The following SPAG16 variants were observed in gnomAD, a reference collection of about 807,000 sequenced individuals.
SPAG16 encodes the protein sperm-associated antigen 16 protein.
Under a neutral mutation model 80.4 loss-of-function variants are expected in SPAG16, and 86 were observed. That is an observed-to-expected ratio of 1.07 (90% CI 0.90 to 1.28). The LOEUF is 1.28. SPAG16 is among the 50% of genes most tolerant of loss of function. The pLI is 0.00. For synonymous variants in SPAG16, 294 were observed against 265.9 expected (o/e 1.11, Z -1.03); for missense variants, 870 against 765.3 (o/e 1.14, Z -1.61).
intron 10 of SPAG16, among the ~76,000 whole-genome samples, chr2:213,833,540 ATAT>A (rs2073883605): frequency 1.1e-3 from 1 of 904 alleles, no homozygotes; most frequent in Admixed American, 0.036. Flanking sequence ...ATTATATATA[ATAT>A]ATATAATATA....
At chr2:214,087,193 A>G (rs540892310) in intron 13 of SPAG16, among the ~76,000 whole-genome samples, 18 of 150,124 alleles carry the variant, frequency 1.2e-4, no homozygotes, top group Non-Finnish European at 2.2e-4. Context: ...GATAATGGTG[A>G]GAAATAAAGA....
chr2:213,941,146 C>T (rs1372717047), intron 12 of SPAG16, among the ~76,000 whole-genome samples: 1 of 152,158 alleles, frequency 6.6e-6, no homozygotes, highest in Non-Finnish European at 1.5e-5. Flanking sequence ...CAGACTCTAT[C>T]TCTCACTTAC....
intron 12 of SPAG16, among the ~76,000 whole-genome samples, chr2:214,006,428 G>C (rs2047028244): frequency 6.6e-6 from 1 of 152,128 alleles, no homozygotes; most frequent in African/African-American, 2.4e-5. Context: ...TTTACAGCAA[G>C]TTGAAAGTTT....
intron 9 of SPAG16, among the ~76,000 whole-genome samples, chr2:213,477,585 G>A (rs2073485495): frequency 6.6e-6 from 1 of 152,232 alleles, no homozygotes; most frequent in African/African-American, 2.4e-5. Flanking sequence ...TTGGAGATCA[G>A]ACTTGCATGG....
chr2:213,628,137 C>A (rs2062024221), intron 10 of SPAG16, among the ~76,000 whole-genome samples: 1 of 152,186 alleles, frequency 6.6e-6, no homozygotes, highest in African/African-American at 2.4e-5. Flanking sequence ...AGTGTTGTCA[C>A]AGCCAAATTT....
intron 10 of SPAG16, among the ~76,000 whole-genome samples, chr2:213,835,256 T>C (rs1456027889): frequency 6.6e-6 from 1 of 152,204 alleles, no homozygotes. Flanking sequence ...CTCTCTTGTA[T>C]CCATGTTCGT....
intron 10 of SPAG16, among the ~76,000 whole-genome samples, chr2:213,722,025 C>T (rs1298953447): frequency 6.6e-6 from 1 of 152,170 alleles, no homozygotes; most frequent in East Asian, 1.9e-4. Flanking sequence ...TGACATTTCA[C>T]TAACTGAAAT....
At chr2:214,348,945 A>G (rs1268104218) in intron 15 of SPAG16, among the ~76,000 whole-genome samples, 4 of 152,230 alleles carry the variant, frequency 2.6e-5, no homozygotes, top group Admixed American at 2.0e-4. Context: ...TCTGGCTATA[A>G]GAATATACGG....
intron 10 of SPAG16, among the ~76,000 whole-genome samples, chr2:213,647,867 G>T (rs1275610478): frequency 1.3e-5 from 2 of 152,122 alleles, no homozygotes; most frequent in Non-Finnish European, 2.9e-5. Context: ...AGACTTGAAG[G>T]CTCAGTTGCC....
At chr2:213,701,965 C>T (rs559612066) in intron 10 of SPAG16, among the ~76,000 whole-genome samples, 1 of 152,120 alleles carries the variant, frequency 6.6e-6, no homozygotes, top group East Asian at 1.9e-4. Context: ...ACTTTTGTGT[C>T]TAGCTAAAGG....
chr2:213,691,021 C>G (rs2064921386), intron 10 of SPAG16, among the ~76,000 whole-genome samples: 1 of 152,116 alleles, frequency 6.6e-6, no homozygotes, highest in Non-Finnish European at 1.5e-5. Context: ...AGAACCCTGA[C>G]TAATACAGTG....
At chr2:213,613,302 C>T (rs1236301588) in intron 10 of SPAG16, among the ~76,000 whole-genome samples, 1 of 152,198 alleles carries the variant, frequency 6.6e-6, no homozygotes, top group South Asian at 2.1e-4. Flanking sequence ...CTCATTGGCT[C>T]TTTATTTAAC....
intron 11 of SPAG16, among the ~76,000 whole-genome samples, chr2:213,867,633 G>A (rs570064346): frequency 2.9e-4 from 44 of 152,130 alleles, no homozygotes; most frequent in African/African-American, 9.6e-4. Context: ...AACTTAAAAA[G>A]ATAGCTCGGC....
intron 10 of SPAG16, among the ~76,000 whole-genome samples, chr2:213,599,991 G>T (rs1364653750): frequency 6.6e-6 from 1 of 152,114 alleles, no homozygotes; most frequent in South Asian, 2.1e-4. Context: ...TGGCCTATTA[G>T]TAGTTGTGTT....
chr2:213,953,826 T>C (rs1373850517), intron 12 of SPAG16, among the ~76,000 whole-genome samples: 1 of 151,856 alleles, frequency 6.6e-6, no homozygotes, highest in Non-Finnish European at 1.5e-5. Flanking sequence ...GAAAAAGTAC[T>C]CAAAGCAATT....
At chr2:213,306,813 C>G (rs564177735) in intron 3 of SPAG16, among the ~76,000 whole-genome samples, 1 of 152,168 alleles carries the variant, frequency 6.6e-6, no homozygotes, top group South Asian at 2.1e-4. Flanking sequence ...TGCCACTTGG[C>G]CACTGCCAGG....
intron 10 of SPAG16, among the ~76,000 whole-genome samples, chr2:213,563,469 A>G (rs2059659553): frequency 6.6e-6 from 1 of 152,258 alleles, no homozygotes; most frequent in African/African-American, 2.4e-5. Flanking sequence ...TCAGAGTCCC[A>G]GCATGGCTAG....
intron 11 of SPAG16, among the ~76,000 whole-genome samples, chr2:213,916,664 T>TC (rs1425563758): frequency 6.6e-6 from 1 of 151,946 alleles, no homozygotes; most frequent in Non-Finnish European, 1.5e-5. Context: ...TCCCACCTGC[T>TC]CCCCCCATGA....
At chr2:214,364,122 TAA>T (rs138222738) in intron 15 of SPAG16, among the ~76,000 whole-genome samples, 9,295 of 152,178 alleles carry the variant, frequency 0.061, 390 homozygotes, top group Non-Finnish European at 0.095. Flanking sequence ...TTCTCATTTC[TAA>T]AGAGTCACCA....
Sources: allele counts gnomAD v4.1 joint callset (sites outside exome capture counted in the v4.1 genomes callset), GRCh38; gene constraint gnomAD v4.1.1; transcripts MANE v1.5; gene names NCBI Gene and HGNC (gene_info 2026-07-23, HGNC 2026-07-21).